The following SLC25A27 variants were observed in gnomAD, a reference collection of about 807,000 sequenced individuals.
SLC25A27 encodes solute carrier family 25 member 27, also known as mitochondrial uncoupling protein 4.
In SLC25A27, 35 loss-of-function variants were observed where a neutral mutation model predicts 49.1. The ratio of observed to expected loss-of-function variants is 0.71; its 90% CI spans 0.54 to 0.95. The LOEUF (loss-of-function observed/expected upper bound fraction) is 0.95. Ranked by LOEUF, SLC25A27 falls within the 40% of genes least tolerant of loss-of-function variation. SLC25A27 has a pLI of 0.00. For missense variants in SLC25A27, 339 were observed against 397.1 expected, an observed-to-expected ratio of 0.85 and a Z score of 1.24; for synonymous variants, 144 against 136.9, an observed-to-expected ratio of 1.05 and a Z score of -0.36.
At chr6:46,662,101 A>G (rs997426952) in intron 3 of SLC25A27, among the ~76,000 whole-genome samples, 3 of 152,142 alleles carry the variant, frequency 2.0e-5, no homozygotes, top group Admixed American at 1.3e-4. Flanking sequence ...CTACAATTAA[A>G]TTATCAATTC....
At chr6:46,664,044 GTGA>G (rs1486280589) in intron 4 of SLC25A27, among the ~76,000 whole-genome samples, 1 of 152,186 alleles carries the variant, frequency 6.6e-6, no homozygotes, top group Admixed American at 6.5e-5. Context: ...CAATAAATAT[GTGA>G]TATTATCTTT....
intron 4 of SLC25A27, among the ~76,000 whole-genome samples, chr6:46,664,137 G>A (rs1383129530): frequency 2.6e-5 from 4 of 152,118 alleles, no homozygotes; most frequent in Admixed American, 6.6e-5. Flanking sequence ...GTGACTTCAG[G>A]TTTTTCTGAC....
chr6:46,659,001 G>A lies in SLC25A27; in HGVS notation c.338G>A (p.Arg113Gln), dbSNP rs1334475004. 5.0e-6 allele frequency: 8 copies of A among 1,613,476 alleles called. No homozygotes were observed. Among genetic ancestry groups the A allele is most frequent in the African/African-American group, 1.3e-5 (1 of 74,870 alleles). Reference protein sequence around the residue: ...GGRMVTYEHLREVVFGKSEDE... With the variant: ...GGRMVTYEHLQEVVFGKSEDE... ...CGAATGGTCACATATGAACATCTCC[G>A]AGAGGTTGTGTTTGGCAAAAGTGAA... The change falls in exon 3 of 9, where the codon CGA (arginine) becomes CAA (glutamine). Residue 113 changes from arginine (R) to glutamine (Q), a missense_variant. Transcript: ENST00000371347.
At chr6:46,671,275 T>C in intron 8 of SLC25A27, 47 bp downstream of exon 8, 1 of 1,104,950 alleles carries the variant, frequency 9.1e-7, no homozygotes, top group Non-Finnish European at 1.3e-6. Flanking sequence ...GTACTTAAAT[T>C]ACTTTTAATT....
intron 5 of SLC25A27, among the ~76,000 whole-genome samples, chr6:46,665,826 T>C (rs906161098): frequency 6.6e-6 from 1 of 152,314 alleles, no homozygotes; most frequent in African/African-American, 2.4e-5. Flanking sequence ...TCTTCCATCC[T>C]CAAATGTGTA....
chr6:46,673,078 A>G (rs1296975262), intron 8 of SLC25A27, among the ~76,000 whole-genome samples: 1 of 152,258 alleles, frequency 6.6e-6, no homozygotes, highest in African/African-American at 2.4e-5. Flanking sequence ...CACTGTTATA[A>G]GTGCTGGTAA....
At chr6:46,655,531 GTTTGTTTTTTTTTTTTTTTTTTTTTTTTT>G (rs1762944913) in intron 1 of SLC25A27, among the ~76,000 whole-genome samples, 1 of 98,548 alleles carries the variant, frequency 1.0e-5, no homozygotes. Context: ...TATTGTTAAT[GTTTGTTTTTTTTTTTTTTTTTTTTTTTTT>G]TTTTTTTTTT....
At chr6:46,654,015 G>A (rs528999822) in intron 1 of SLC25A27, 3 of 724,360 alleles carry the variant, frequency 4.1e-6, no homozygotes, top group African/African-American at 1.9e-5. Flanking sequence ...ATTATTAGGT[G>A]TCATAAAAGC....
chr6:46,667,996 G>C (rs576142990), intron 5 of SLC25A27, among the ~76,000 whole-genome samples: 1 of 152,052 alleles, frequency 6.6e-6, no homozygotes, highest in African/African-American at 2.4e-5. Context: ...CTCTAGCATT[G>C]TGATGTCATT....
At chr6:46,653,748 C>A (rs2150627280) in intron 1 of SLC25A27, 1 of 985,204 alleles carries the variant, frequency 1.0e-6, no homozygotes, top group South Asian at 4.7e-5. Context: ...ATTAACCTGC[C>A]ACTCACAGAG....
rs1300625316 is a variant in SLC25A27, at chr6:46,653,037, G to T, written c.-156G>T. The T allele has an allele frequency of 1.4e-4, 93 of 680,110 alleles. 1 individual carries two copies. The Admixed American group carries it at 2.4e-3, about 17-fold the overall frequency. The allele number at this position is 680,110 out of a possible 1,614,324, so 42.1% of individuals were successfully genotyped here. A position where few individuals can be genotyped will look rare whatever the true frequency, so the allele number is the denominator to read the frequency against. ...CACTCCAGCTGGGACTGCTAGGAAG[G>T]TTGCGGGTCCACCCGGCCGAGCCGA... On this transcript the variant is annotated 5_prime_UTR_variant, in exon 1 of 9. Transcript: ENST00000371347.
intron 3 of SLC25A27, among the ~76,000 whole-genome samples, chr6:46,660,254 A>G (rs865887017): frequency 0.014 from 249 of 17,250 alleles, 4 homozygotes; most frequent in African/African-American, 0.088. Context: ...GTGTGTGTGT[A>G]TAGAGAGAGA....
In SLC25A27 at chr6:46,664,884, G is replaced by T; in HGVS notation, c.617G>T (p.Gly206Val). 1.3e-6 allele frequency: 2 copies of T among 1,538,386 alleles called. No individual in the cohort carries two copies. Among genetic ancestry groups the T allele is most frequent in the Non-Finnish European group, 1.8e-6 (2 of 1,131,972 alleles). The change falls in exon 5 of 9, where the codon GGA (glycine) becomes GTA (valine). Residue 206 changes from glycine to valine, a missense_variant and splice_region_variant. Transcript: ENST00000371347. ...CAAAGAGCAGCACTGGTGAATATGG[G>T]AGGTAATGAAAACTTTGTTAAATTC... ...NIQRAALVNM[G>V]DLTTYDTVKH... is the part of the protein sequence containing the mutation.
chr6:46,657,942 C>G (rs762682156), intron 2 of SLC25A27, among the ~76,000 whole-genome samples: 3 of 152,184 alleles, frequency 2.0e-5, no homozygotes, highest in South Asian at 2.1e-4. Context: ...GAACATTTTT[C>G]TGCTCTGCTT....
At position 46,675,338 on chromosome 6, in the gene SLC25A27, C is replaced by T. The variant is rs1763732978; in HGVS notation, c.901-1045C>T. On this transcript the variant is annotated intron_variant, in intron 8 of 8. Transcript: ENST00000371347. ...TAAGACCTCTACCTTCTTCATCCAA[C>T]TCCAAGTATATTGGTTTACTTCATT... Among the ~76,000 whole-genome samples, 3 of 152,178 alleles carry T rather than the reference C, an allele frequency of 2.0e-5. No individual in the cohort carries two copies. The South Asian group carries it at 6.2e-4, about 32-fold the overall frequency.
intron 7 of SLC25A27, 25 bp from the exon 8 acceptor site, chr6:46,671,096 AAAATT>A (rs750248828): frequency 4.2e-6 from 6 of 1,418,886 alleles, no homozygotes; most frequent in Non-Finnish European, 5.8e-6. Flanking sequence ...TACACAGAAA[AAAATT>A]AAAAGGATCT....
In SLC25A27 at chr6:46,676,722, C is replaced by T; in HGVS notation, c.*268C>T. 2.6e-6 allele frequency: 4 copies of T among 1,536,468 alleles called. No individual in the cohort carries two copies. Among genetic ancestry groups the T allele is most frequent in the Non-Finnish European group, 3.5e-6 (4 of 1,134,164 alleles). On this transcript the variant is annotated 3_prime_UTR_variant, in exon 9 of 9. Transcript: ENST00000371347. ...TTCTAAAGAAGAATCGAAGCCTGAC[C>T]ACTTTCACCTTGGGCAAGAAGGTTT...
At chr6:46,656,728 A>G (rs1039931607) in intron 2 of SLC25A27, among the ~76,000 whole-genome samples, 1 of 152,184 alleles carries the variant, frequency 6.6e-6, no homozygotes, top group Non-Finnish European at 1.5e-5. Flanking sequence ...CAGAACACAT[A>G]TAGTCTCTTA....
intron 5 of SLC25A27, among the ~76,000 whole-genome samples, chr6:46,665,405 G>T (rs181595663): frequency 6.6e-6 from 1 of 151,218 alleles, no homozygotes; most frequent in African/African-American, 2.4e-5. Context: ...TTTCCCCTCC[G>T]CCGGGTGCGG....
Sources: gnomAD v4.1 joint callset for allele counts (sites outside exome capture counted in the v4.1 genomes callset) on GRCh38, gnomAD v4.1.1 for gene constraint, MANE v1.5 for transcripts, NCBI Gene and HGNC (gene_info 2026-07-23, HGNC 2026-07-21) for gene names.